TM2D1: variants seen among roughly 807,000 people sequenced by gnomAD.
TM2D1 encodes TM2 domain containing 1.
Under a neutral mutation model 28.4 loss-of-function variants are expected in TM2D1, and 15 were observed. That is an observed-to-expected ratio of 0.53 (90% CI 0.35 to 0.81). TM2D1 has a LOEUF of 0.81. Among genes scored for constraint, TM2D1 ranks in the 40% least tolerant of loss-of-function variants. TM2D1 has a pLI of 0.01. For synonymous variants in TM2D1, 93 were observed against 96.2 expected (o/e 0.97, Z 0.20); for missense variants, 236 against 254.9 (o/e 0.93, Z 0.50).
At chr1:61,686,502 A>G (rs1644286544) in intron 5 of TM2D1, among the ~76,000 whole-genome samples, 1 of 152,026 alleles carries the variant, frequency 6.6e-6, no homozygotes, top group African/African-American at 2.4e-5. Context: ...ACAAAAAAAA[A>G]AAATACAAGA....
At position 61,720,485 on chromosome 1, in the gene TM2D1, G is replaced by A. The variant is rs57770645; in HGVS notation, c.238+3228C>T. Among the ~76,000 whole-genome samples, 1,386 of 152,044 alleles carry A rather than the reference G, an allele frequency of 9.1e-3. 19 individuals are homozygous for A. Among genetic ancestry groups the A allele is most frequent in the African/African-American group, 0.032 (1,328 of 41,472 alleles). On this transcript the variant is annotated intron_variant, in intron 2 of 6. Coordinates refer to ENST00000606498, the MANE Select transcript of TM2D1 (RefSeq NM_032027.3). The stretch of plus-strand genomic sequence containing the variant: ...TCAAACTCCTGACCTCACATGATCC[G>A]CACACCTCAGCCTCCCAAAGTGATG...
intron 2 of TM2D1, among the ~76,000 whole-genome samples, chr1:61,710,531 T>C (rs1348882045): frequency 4.4e-5 from 6 of 136,618 alleles, no homozygotes; most frequent in Admixed American, 7.5e-5. Context: ...CACACACACA[T>C]ATACGACTAC....
chr1:61,692,570 C>A (rs1357935096), intron 5 of TM2D1, among the ~76,000 whole-genome samples: 2 of 151,448 alleles, frequency 1.3e-5, no homozygotes, highest in African/African-American at 4.8e-5. Flanking sequence ...AAAGTCATGG[C>A]AAGAATGGGG....
chr1:61,715,968 A>AT (rs1175479095), intron 2 of TM2D1, among the ~76,000 whole-genome samples: 18 of 146,184 alleles, frequency 1.2e-4, no homozygotes, highest in Non-Finnish European at 1.8e-4. Context: ...TGCCCAGCTA[A>AT]TTTTTTTTTT....
At chr1:61,710,710 T>A (rs188418044) in intron 2 of TM2D1, among the ~76,000 whole-genome samples, 65 of 152,062 alleles carry the variant, frequency 4.3e-4, no homozygotes, top group African/African-American at 1.3e-3. Context: ...CATATTTTTT[T>A]AAAATAAAAC....
At chr1:61,724,912 A>C in intron 1 of TM2D1, 45 bp downstream of exon 1, 1 of 1,536,966 alleles carries the variant, frequency 6.5e-7, no homozygotes, top group Non-Finnish European at 8.8e-7. Flanking sequence ...CTGCGACCCC[A>C]ACTCTACCTC....
chr1:61,691,932 A>AAAAATAATATATAT, intron 5 of TM2D1, among the ~76,000 whole-genome samples: 1 of 76,414 alleles, frequency 1.3e-5, no homozygotes, highest in Admixed American at 1.7e-4. Flanking sequence ...AAAAAAAAAA[A>AAAAATAATATATAT]ATATATATAT....
At chr1:61,719,273 C>T (rs1459665354) in intron 2 of TM2D1, among the ~76,000 whole-genome samples, 2 of 152,098 alleles carry the variant, frequency 1.3e-5, no homozygotes, top group South Asian at 2.1e-4. Context: ...TGGTCTAGAA[C>T]TCCTGGGTTC....
chr1:61,686,459 C>T (rs564267306), intron 5 of TM2D1, among the ~76,000 whole-genome samples: 1 of 152,008 alleles, frequency 6.6e-6, no homozygotes, highest in South Asian at 2.1e-4. Flanking sequence ...GAGTTCGAGA[C>T]CAGTCTGGCC....
intron 2 of TM2D1, among the ~76,000 whole-genome samples, 165 bp from the exon 3 acceptor site, chr1:61,709,602 T>C (rs1261704990): frequency 6.6e-6 from 1 of 152,142 alleles, no homozygotes; most frequent in Non-Finnish European, 1.5e-5. Flanking sequence ...TGTACTTACA[T>C]GCAAGATAAA....
chr1:61,684,828 G>C (rs1472095653), intron 5 of TM2D1, among the ~76,000 whole-genome samples: 2 of 152,156 alleles, frequency 1.3e-5, no homozygotes, highest in Non-Finnish European at 2.9e-5. Context: ...ATCCAGGCTG[G>C]AGTGCAATGG....
At chr1:61,702,209 A>G (rs993631154) in intron 3 of TM2D1, among the ~76,000 whole-genome samples, 4 of 151,946 alleles carry the variant, frequency 2.6e-5, no homozygotes, top group Non-Finnish European at 5.9e-5. Flanking sequence ...ATAAAAAATA[A>G]GTAATGAATC....
chr1:61,713,110 TAGTG>T (rs1408052515), intron 2 of TM2D1, among the ~76,000 whole-genome samples: 2 of 147,044 alleles, frequency 1.4e-5, no homozygotes, highest in Non-Finnish European at 3.0e-5. Context: ...GCAGAGGTTG[TAGTG>T]AGTTGAGATT....
Position 61,700,878 on chromosome 1 carries a change from A to C in TM2D1, c.439+56T>G. 7.0e-6 allele frequency: 9 copies of C among 1,293,728 alleles called. No homozygotes were observed. In the South Asian group the frequency reaches 1.2e-4, roughly 17 times the overall value. 80.1% of individuals were successfully genotyped at this position (1,293,728 alleles called of 1,614,324 possible). A position where few individuals can be genotyped will look rare whatever the true frequency, so the allele number is the denominator to read the frequency against. ...AGAGATTTAATCCATAAGAACACCT[A>C]CAATGAACTAAAATATAGGTTTCAT... On this transcript the variant is annotated intron_variant, in intron 4 of 6. Coordinates refer to ENST00000606498, the MANE Select transcript of TM2D1 (RefSeq NM_032027.3).
intron 2 of TM2D1, among the ~76,000 whole-genome samples, chr1:61,714,931 T>A (rs1644506016): frequency 6.6e-6 from 1 of 152,108 alleles, no homozygotes; most frequent in African/African-American, 2.4e-5. Flanking sequence ...TCATTTCTAA[T>A]AGCTGCTTTG....
intron 3 of TM2D1, among the ~76,000 whole-genome samples, chr1:61,706,180 G>T (rs977903458): frequency 1.3e-5 from 2 of 152,072 alleles, no homozygotes; most frequent in Non-Finnish European, 2.9e-5. Context: ...AACTCCCATT[G>T]TTCTGTTGAG....
At chr1:61,686,260 C>T (rs907843167) in intron 5 of TM2D1, among the ~76,000 whole-genome samples, 125 of 152,118 alleles carry the variant, frequency 8.2e-4, no homozygotes, top group African/African-American at 2.9e-3. Flanking sequence ...ATCATCAACA[C>T]ACTTTTCTAT....
chr1:61,723,974 C>T (rs1011776835), intron 1 of TM2D1, among the ~76,000 whole-genome samples, 188 bp from the exon 2 acceptor site: 2 of 152,064 alleles, frequency 1.3e-5, no homozygotes, highest in African/African-American at 2.4e-5. Flanking sequence ...GCAGGAGGAT[C>T]ACTGGAGCCC....
intron 3 of TM2D1, among the ~76,000 whole-genome samples, chr1:61,703,761 T>G (rs1231688523): frequency 1.5e-4 from 19 of 129,546 alleles, no homozygotes; most frequent in African/African-American, 5.8e-4. Context: ...TATATGCATT[T>G]TTTTTTTTTT....
Sources: allele counts gnomAD v4.1 joint callset (sites outside exome capture counted in the v4.1 genomes callset), GRCh38; gene constraint gnomAD v4.1.1; transcripts MANE v1.5; gene names NCBI Gene and HGNC (gene_info 2026-07-23, HGNC 2026-07-21).